LRCH2: variants seen among roughly 807,000 people sequenced by gnomAD.
The protein encoded by LRCH2 is leucine-rich repeat and calponin homology domain-containing protein 2.
In LRCH2, 38 loss-of-function variants were observed where a neutral mutation model predicts 68.9. That is an observed-to-expected ratio of 0.55 (90% CI 0.43 to 0.72). The LOEUF is 0.72. Ranked by LOEUF, LRCH2 falls within the 30% of genes least tolerant of loss-of-function variation. LRCH2 has a pLI of 0.00. For synonymous variants in LRCH2, 191 were observed against 208.1 expected, an observed-to-expected ratio of 0.92 and a Z score of 0.71; for missense variants, 528 against 572.9, an observed-to-expected ratio of 0.92 and a Z score of 0.80.
chrX:115,115,361 T>TA lies in LRCH2; in HGVS notation c.2179-2027dup, dbSNP rs782372669. On this transcript the variant is annotated intron_variant, in intron 20 of 20. Transcript: ENST00000317135. ...GATACTGGAATAAGGAATTTAGTGG[T>TA]AAAAAAAACTGAGAATCCAGAAATA... 3.4e-4 allele frequency among the ~76,000 whole-genome samples: 38 copies of TA among 110,501 alleles called. No individual in the cohort carries two copies. The South Asian group carries it at 5.3e-3, about 15-fold the overall frequency.
chrX:115,161,818 T>C (rs1037034251), intron 11 of LRCH2, among the ~76,000 whole-genome samples: 35 of 111,089 alleles, frequency 3.2e-4, no homozygotes, highest in Non-Finnish European at 6.6e-4. Flanking sequence ...AAAACTAATA[T>C]GCTAATAAGA....
In LRCH2 at chrX:115,189,803, C is replaced by T. The variant is rs891360915; in HGVS notation, c.350-1433G>A. 7.3e-5 allele frequency: 85 copies of T among 1,166,293 alleles called. No homozygotes were observed. Among genetic ancestry groups the T allele is most frequent in the African/African-American group, 1.6e-4 (9 of 56,157 alleles). ...GGGGGTGGCAGCAGCCCACAGCGAC[C>T]CCCCTCTCAGGGCAGGCCTGATGAC... On this transcript the variant is annotated intron_variant, in intron 1 of 20. Transcript: ENST00000317135.
chrX:115,120,983 G>T (rs1379222917), intron 20 of LRCH2, among the ~76,000 whole-genome samples: 1 of 97,468 alleles, frequency 1.0e-5, no homozygotes, highest in African/African-American at 3.8e-5. Flanking sequence ...AGAACACATG[G>T]ACACAGGAAG....
intron 1 of LRCH2, among the ~76,000 whole-genome samples, chrX:115,227,632 G>A (rs1332362527): frequency 5.6e-5 from 6 of 107,273 alleles, no homozygotes; most frequent in African/African-American, 2.0e-4. Flanking sequence ...AAAATACTAA[G>A]GATTTACGTA....
intron 1 of LRCH2, among the ~76,000 whole-genome samples, chrX:115,206,898 A>G (rs2072971961): frequency 9.1e-6 from 1 of 109,963 alleles, no homozygotes; most frequent in Admixed American, 9.8e-5. Flanking sequence ...AAAAAACTCA[A>G]CCTTGGAAAG....
intron 2 of LRCH2, among the ~76,000 whole-genome samples, chrX:115,186,814 T>G (rs1189780302): frequency 6.6e-5 from 1 of 15,172 alleles, no homozygotes; most frequent in African/African-American, 1.3e-4. Context: ...TCCCTCACAC[T>G]TTTTTTTTTT....
In LRCH2 at chrX:115,184,876, A is replaced by T. The variant is rs782187982; in HGVS notation, c.495-339T>A. Among the ~76,000 whole-genome samples the T allele has an allele frequency of 1.9e-3, 212 of 111,941 alleles. 2 individuals are homozygous for T. Among genetic ancestry groups the T allele is most frequent in the African/African-American group, 6.7e-3 (206 of 30,849 alleles). ...GCAGACCTATGATACTACTCCACAC[A>T]CCATCAGTTCTCAAAAACCCAGAAT... is the stretch of plus-strand genomic sequence containing the variant. On this transcript the variant is annotated intron_variant, in intron 2 of 20. Transcript: ENST00000317135.
chrX:115,177,088 A>C (rs1603061263), intron 5 of LRCH2, among the ~76,000 whole-genome samples: 2 of 77,549 alleles, frequency 2.6e-5, no homozygotes, highest in Admixed American at 1.9e-4. Flanking sequence ...ACAGAGTCTC[A>C]CTCTGCTGTC....
chrX:115,130,356 ATAAC>A (rs1556529622), intron 14 of LRCH2, among the ~76,000 whole-genome samples, 157 bp from the exon 15 acceptor site: 1 of 111,986 alleles, frequency 8.9e-6, no homozygotes, highest in African/African-American at 3.2e-5. Context: ...CCTACTACTA[ATAAC>A]TAACAAAAAT....
intron 14 of LRCH2, among the ~76,000 whole-genome samples, chrX:115,130,439 C>T (rs1569512144): frequency 8.9e-6 from 1 of 111,777 alleles, no homozygotes; most frequent in African/African-American, 3.2e-5. Flanking sequence ...CTTTCTTAAG[C>T]CAAGCTATTT....
At position 115,157,442 on chromosome X, in the gene LRCH2, T is replaced by G. The variant is rs58815048; in HGVS notation, c.1464-775A>C. 1.6e-3 allele frequency among the ~76,000 whole-genome samples: 175 copies of G among 109,497 alleles called. 1 individual carries two copies. The highest frequency in any genetic ancestry group is 5.3e-3 in the African/African-American group (161 of 30,176). On this transcript the variant is annotated intron_variant, in intron 11 of 20. Transcript: ENST00000317135. ...TAAATAAAAGCTATATATTGACTAATAAAATACATAATGAATTAAATATAA... is the reference window on the plus strand; with the variant it reads ...TAAATAAAAGCTATATATTGACTAAGAAAATACATAATGAATTAAATATAA...
chrX:115,228,401 C>T (rs782444856), intron 1 of LRCH2, among the ~76,000 whole-genome samples: 1 of 111,391 alleles, frequency 9.0e-6, no homozygotes, highest in South Asian at 3.8e-4. Context: ...ATGATGATCA[C>T]TAGCCTCTGC....
At chrX:115,150,881 A>G (rs2147373240) in intron 12 of LRCH2, among the ~76,000 whole-genome samples, 1 of 111,080 alleles carries the variant, frequency 9.0e-6, no homozygotes, top group East Asian at 2.8e-4. Context: ...GTTAAAAGAT[A>G]TATTAGAAAA....
intron 3 of LRCH2, among the ~76,000 whole-genome samples, chrX:115,181,017 C>A (rs1414661339): frequency 3.6e-5 from 4 of 111,361 alleles, no homozygotes. Context: ...GGGAGGGATA[C>A]TACTTTATCT....
At chrX:115,211,750 A>G (rs1276934137) in intron 1 of LRCH2, among the ~76,000 whole-genome samples, 1 of 107,633 alleles carries the variant, frequency 9.3e-6, no homozygotes, top group African/African-American at 3.3e-5. Flanking sequence ...TAAATCTAAC[A>G]ACATCCACAC....
chrX:115,228,417 G>A (rs1556577196), intron 1 of LRCH2, among the ~76,000 whole-genome samples: 1 of 111,335 alleles, frequency 9.0e-6, no homozygotes, highest in African/African-American at 3.3e-5. Flanking sequence ...TCTGCAGAAT[G>A]GGGAGGTGTG....
intron 11 of LRCH2, among the ~76,000 whole-genome samples, chrX:115,162,254 C>T (rs1348274679): frequency 1.8e-5 from 2 of 111,218 alleles, no homozygotes; most frequent in Non-Finnish European, 3.8e-5. Flanking sequence ...ATATTATCGT[C>T]CCATAATGAT....
chrX:115,167,439 GAA>G (rs782466115), intron 6 of LRCH2, among the ~76,000 whole-genome samples: 1 of 94,787 alleles, frequency 1.1e-5, no homozygotes, highest in South Asian at 4.6e-4. Context: ...AGTGCTATGA[GAA>G]AAAAAAAAAA....
rs782253750 is a variant in LRCH2 at position 115,149,732 on chromosome X, TAG to T, written c.1695+93_1695+94del. Reference sequence around the variant, plus strand: ...AAATAACACATTTACTACATTTAACTAGAGAGTTACAGTCTACCTTATTAACT... The same window carrying T: ...AAATAACACATTTACTACATTTAACTAGAGTTACAGTCTACCTTATTAACT... On this transcript the variant is annotated intron_variant, in intron 14 of 20. Coordinates refer to ENST00000317135, the MANE Select transcript of LRCH2 (RefSeq NM_020871.4). The T allele has an allele frequency of 1.4e-4, 70 of 483,124 alleles. No individual in the cohort carries two copies. The South Asian group carries it at 2.8e-3, about 19-fold the overall frequency. 39.8% of individuals were successfully genotyped at this position (483,124 alleles called of 1,213,427 possible).
Sources: allele counts gnomAD v4.1 joint callset (sites outside exome capture counted in the v4.1 genomes callset), GRCh38; gene constraint gnomAD v4.1.1; transcripts MANE v1.5; gene names NCBI Gene and HGNC (gene_info 2026-07-23, HGNC 2026-07-21).